The following PRKG1 variants were observed in gnomAD, a reference collection of about 807,000 sequenced individuals.
PRKG1 encodes protein kinase cGMP-dependent 1.
A neutral mutation model predicts 88.1 loss-of-function variants in PRKG1; 35 were observed. The observed-to-expected ratio is 0.40, with a 90% CI of 0.30 to 0.53. The LOEUF (loss-of-function observed/expected upper bound fraction) is 0.53. Among genes scored for constraint, PRKG1 ranks in the 20% least tolerant of loss-of-function variants. The pLI is 0.59. For missense variants in PRKG1, 540 were observed against 839.8 expected, an observed-to-expected ratio of 0.64 and a Z score of 4.41; for synonymous variants, 303 against 292.5, an observed-to-expected ratio of 1.04 and a Z score of -0.37.
At chr10:51,280,339 T>A (rs1275487302) in intron 2 of PRKG1, among the ~76,000 whole-genome samples, 1 of 151,856 alleles carries the variant, frequency 6.6e-6, no homozygotes, top group Non-Finnish European at 1.5e-5. Context: ...AATCTGACAA[T>A]TATGTGTCTT....
At chr10:51,379,780 CTT>C (rs1837026017) in intron 2 of PRKG1, among the ~76,000 whole-genome samples, 1 of 152,170 alleles carries the variant, frequency 6.6e-6, no homozygotes, top group African/African-American at 2.4e-5. Flanking sequence ...AGGAATAAAA[CTT>C]TTGGACAGTG....
intron 3 of PRKG1, among the ~76,000 whole-genome samples, chr10:51,510,357 T>C (rs1252421945): frequency 3.3e-5 from 5 of 152,164 alleles, no homozygotes; most frequent in Non-Finnish European, 4.4e-5. Context: ...TAAAATCTAC[T>C]CTCTTAGCAA....
At chr10:51,730,189 G>T (rs903158964) in intron 3 of PRKG1, among the ~76,000 whole-genome samples, 1 of 152,090 alleles carries the variant, frequency 6.6e-6, no homozygotes, top group African/African-American at 2.4e-5. Context: ...TGCTCCAGAG[G>T]CTGTTGCAAG....
At chr10:51,904,016 T>C (rs542060802) in intron 4 of PRKG1, among the ~76,000 whole-genome samples, 11 of 152,260 alleles carry the variant, frequency 7.2e-5, no homozygotes, top group African/African-American at 2.4e-4. Context: ...ACTACTCAAA[T>C]CTCATCTTCT....
rs553656774 is a variant in PRKG1, at chr10:51,488,810, T to C, written c.592+20974T>C. On this transcript the variant is annotated intron_variant, in intron 3 of 17. Transcript: ENST00000373980. ...ACTGGCTCTCTGCGTCCACCTCTTC[T>C]CTTGTTATCCCAGGGATTCAGGCTG... Among the ~76,000 whole-genome samples, 19 of 152,304 alleles carry C rather than the reference T, an allele frequency of 1.2e-4. No homozygotes were observed. The South Asian group carries it at 3.7e-3, about 30-fold the overall frequency.
intron 5 of PRKG1, among the ~76,000 whole-genome samples, chr10:52,037,611 A>G (rs1250318139): frequency 2.0e-5 from 3 of 152,140 alleles, no homozygotes; most frequent in Admixed American, 6.5e-5. Context: ...GATTTGGGAT[A>G]AAGAAAAAGG....
intron 2 of PRKG1, among the ~76,000 whole-genome samples, chr10:51,167,666 A>G (rs945943843): frequency 6.6e-6 from 1 of 152,208 alleles, no homozygotes; most frequent in African/African-American, 2.4e-5. Context: ...GGGAGATGAA[A>G]GAAATGTGGT....
At chr10:51,459,166 C>A (rs10508940) in intron 2 of PRKG1, among the ~76,000 whole-genome samples, 1 of 151,856 alleles carries the variant, frequency 6.6e-6, no homozygotes, top group Non-Finnish European at 1.5e-5. Context: ...TATTCTTTGA[C>A]GTACCTAAGC....
intron 5 of PRKG1, among the ~76,000 whole-genome samples, chr10:51,947,102 G>A (rs1436371495): frequency 1.3e-5 from 2 of 152,080 alleles, no homozygotes; most frequent in African/African-American, 4.8e-5. Flanking sequence ...TCCTTGAGCT[G>A]TGGTGGGCTC....
intron 7 of PRKG1, among the ~76,000 whole-genome samples, chr10:52,106,468 A>G (rs576439144): frequency 6.6e-6 from 1 of 152,100 alleles, no homozygotes; most frequent in Non-Finnish European, 1.5e-5. Flanking sequence ...TAACTTATGT[A>G]TATTAAATCC....
intron 2 of PRKG1, among the ~76,000 whole-genome samples, chr10:51,332,646 TA>T (rs1194851629): frequency 6.6e-6 from 1 of 152,054 alleles, no homozygotes; most frequent in African/African-American, 2.4e-5. Flanking sequence ...GGGAAACTCT[TA>T]TGGAGAGGGA....
At chr10:52,008,358 T>C (rs973406804) in intron 5 of PRKG1, among the ~76,000 whole-genome samples, 1 of 151,770 alleles carries the variant, frequency 6.6e-6, no homozygotes, top group African/African-American at 2.4e-5. Flanking sequence ...TTGAAAAAAT[T>C]AATAAGATAG....
intron 3 of PRKG1, among the ~76,000 whole-genome samples, chr10:51,685,031 G>A (rs1840951616): frequency 6.6e-6 from 1 of 151,998 alleles, no homozygotes. Flanking sequence ...AAACATAAGG[G>A]CAAAAGATTG....
At chr10:51,488,925 A>G (rs1284312800) in intron 3 of PRKG1, among the ~76,000 whole-genome samples, 1 of 152,156 alleles carries the variant, frequency 6.6e-6, no homozygotes, top group African/African-American at 2.4e-5. Flanking sequence ...TCAGACAACA[A>G]GCACACAGGC....
At chr10:51,819,856 T>C (rs1246363433) in intron 4 of PRKG1, among the ~76,000 whole-genome samples, 4 of 152,088 alleles carry the variant, frequency 2.6e-5, no homozygotes, top group African/African-American at 9.7e-5. Context: ...GCTAAAGACC[T>C]TGATATACCC....
intron 3 of PRKG1, among the ~76,000 whole-genome samples, chr10:51,566,588 T>A (rs1837611007): frequency 6.6e-6 from 1 of 151,874 alleles, no homozygotes; most frequent in African/African-American, 2.4e-5. Flanking sequence ...GGGGTTGGGG[T>A]GGGCAGGTAA....
In PRKG1 at chr10:52,079,272, T is replaced by G. The variant is rs142366010; in HGVS notation, c.935+16641T>G. Among the ~76,000 whole-genome samples the G allele has an allele frequency of 1.4e-4, 21 of 152,302 alleles. 1 individual carries two copies. Among genetic ancestry groups the G allele is most frequent in the Middle Eastern group, 3.4e-3 (1 of 294 alleles). Reference sequence around the variant, plus strand: ...AGATCTTTTCTTGACCTGTAGTTCATTCTATTAGATGTGCATGGTTTTTTT... The same window carrying G: ...AGATCTTTTCTTGACCTGTAGTTCAGTCTATTAGATGTGCATGGTTTTTTT... On this transcript the variant is annotated intron_variant, in intron 7 of 17. Transcript: ENST00000373980.
At chr10:51,903,028 A>C (rs533849667) in intron 4 of PRKG1, among the ~76,000 whole-genome samples, 10 of 152,282 alleles carry the variant, frequency 6.6e-5, no homozygotes, top group Non-Finnish European at 1.2e-4. Flanking sequence ...TGCTTTAATA[A>C]AATTTTTTGT....
intron 2 of PRKG1, among the ~76,000 whole-genome samples, chr10:51,329,458 T>G (rs1337930042): frequency 1.8e-4 from 27 of 152,196 alleles, no homozygotes; most frequent in Non-Finnish European, 4.0e-4. Context: ...CATAAGTAAT[T>G]TACAAATACC....
Sources: allele counts gnomAD v4.1 joint callset (sites outside exome capture counted in the v4.1 genomes callset), GRCh38; gene constraint gnomAD v4.1.1; transcripts MANE v1.5; gene names NCBI Gene and HGNC (gene_info 2026-07-23, HGNC 2026-07-21).